Variants in FAM133B observed in about 807,000 individuals in gnomAD.
The protein encoded by FAM133B is family with sequence similarity 133 member B, also known as protein FAM133B.
In FAM133B, 25 loss-of-function variants were observed where a neutral mutation model predicts 46.4. The observed-to-expected ratio is 0.54, with a 90% CI of 0.39 to 0.75. FAM133B has a LOEUF of 0.75. FAM133B is among the 30% of genes least tolerant of loss of function. FAM133B has a pLI of 0.00. For missense variants in FAM133B, 205 were observed against 277.6 expected (o/e 0.74, Z 1.86); for synonymous variants, 75 against 86.0 (o/e 0.87, Z 0.71).
rs111940996 is a variant in FAM133B at position 92,590,195 on chromosome 7, G to A, written c.24+73C>T. 17 of 1,610,892 alleles carry A rather than the reference G, an allele frequency of 1.1e-5. No individual in the cohort carries two copies. The South Asian group carries it at 1.9e-4, about 18-fold the overall frequency. ...GCCGCTTGCCCTCCGGCCCGGCCGG[G>A]AACAGCGAGGGTTCTCGCTGTCCTG... On this transcript the variant is annotated intron_variant, in intron 1 of 10. Transcript: ENST00000445716.
At chr7:92,576,582 G>A (rs190180255) in intron 7 of FAM133B, among the ~76,000 whole-genome samples, 4 of 152,266 alleles carry the variant, frequency 2.6e-5, no homozygotes, top group Admixed American at 1.3e-4. Context: ...TGTTAAAGAC[G>A]TAGGTTTCCA....
At chr7:92,565,784 T>TAAAATACTGA in intron 10 of FAM133B, 1 of 551,360 alleles carries the variant, frequency 1.8e-6, no homozygotes, top group Non-Finnish European at 3.2e-6. Flanking sequence ...TTTCTAACAG[T>TAAAATACTGA]AAAATACTGA....
chr7:92,576,153 G>C lies in FAM133B; in HGVS notation c.466-332C>G, dbSNP rs530260094. On this transcript the variant is annotated intron_variant, in intron 7 of 10. Coordinates refer to ENST00000445716, the MANE Select transcript of FAM133B (RefSeq NM_152789.4). ...ATGTACTGGAGTTGTATTCTAATTT[G>C]AGGAGGCAACAATTTCTGCTTTTGA... Among the ~76,000 whole-genome samples the C allele has an allele frequency of 2.6e-4, 40 of 152,278 alleles. 1 individual carries two copies. The South Asian group carries it at 5.8e-3, about 22-fold the overall frequency.
At chr7:92,589,073 G>C (rs79107734) in intron 1 of FAM133B, among the ~76,000 whole-genome samples, 3 of 152,286 alleles carry the variant, frequency 2.0e-5, no homozygotes, top group Non-Finnish European at 4.4e-5. Flanking sequence ...GTCTCCTTTG[G>C]TGTGAGACAC....
intron 10 of FAM133B, 104 bp downstream of exon 10, chr7:92,565,910 A>G: frequency 8.2e-7 from 1 of 1,217,994 alleles, no homozygotes; most frequent in Non-Finnish European, 1.2e-6. Flanking sequence ...CCCAACAAAT[A>G]CTTATTTGGT....
rs1794175216 is a variant in FAM133B, at chr7:92,562,107, G to C, written c.*175C>G. The C allele has an allele frequency of 6.8e-6, 4 of 586,994 alleles. No homozygotes were observed. In the South Asian group the frequency reaches 1.0e-4, roughly 15 times the overall value. 36.4% of individuals were successfully genotyped at this position (586,994 alleles called of 1,614,324 possible). A position where few individuals can be genotyped will look rare whatever the true frequency, so the allele number is the denominator to read the frequency against. On this transcript the variant is annotated 3_prime_UTR_variant, in exon 11 of 11. Coordinates refer to ENST00000445716, the MANE Select transcript of FAM133B (RefSeq NM_152789.4). ...GAAAAAAATAGATGTTCAAGCAGCA[G>C]GCAACATTTATGGCCCTTTCACACA...
At position 92,577,722 on chromosome 7, in the gene FAM133B, A is replaced by C; in HGVS notation, c.310-5T>G. 1 of 1,570,016 alleles carries C rather than the reference A, an allele frequency of 6.4e-7. No individual in the cohort carries two copies. Among genetic ancestry groups the C allele is most frequent in the Non-Finnish European group, 8.6e-7 (1 of 1,156,880 alleles). ...TGATGAAGAAGAAGATGAATACTTG[A>C]CCAAGCACAAAACAATTAAAGCTTG... On this transcript the variant is annotated splice_region_variant and splice_polypyrimidine_tract_variant and intron_variant, in intron 5 of 10. Coordinates refer to ENST00000445716, the MANE Select transcript of FAM133B (RefSeq NM_152789.4).
intron 9 of FAM133B, among the ~76,000 whole-genome samples, chr7:92,567,807 A>G (rs996571311): frequency 2.0e-5 from 3 of 151,970 alleles, no homozygotes; most frequent in South Asian, 2.1e-4. Context: ...TCTGTTGCCC[A>G]GGATGGAGTG....
rs539514408 is a variant in FAM133B at position 92,576,433 on chromosome 7, T to G, written c.466-612A>C. On this transcript the variant is annotated intron_variant, in intron 7 of 10. Coordinates refer to ENST00000445716, the MANE Select transcript of FAM133B (RefSeq NM_152789.4). Reference sequence around the variant, plus strand: ...GAGTACTTTCTAGATGCTAGGTATTTTGCCAGAAGATCTCTCACGGGGGCA... The same window carrying G: ...GAGTACTTTCTAGATGCTAGGTATTGTGCCAGAAGATCTCTCACGGGGGCA... Among the ~76,000 whole-genome samples the G allele has an allele frequency of 4.6e-5, 7 of 152,292 alleles. No homozygotes were observed. The South Asian group carries it at 1.5e-3, about 32-fold the overall frequency.
At position 92,581,666 on chromosome 7, in the gene FAM133B, C is replaced by T. The variant is rs1053335282; in HGVS notation, c.25-63G>A. On this transcript the variant is annotated intron_variant, in intron 1 of 10. Transcript: ENST00000445716. ...CATTAAACATGCAAAACCTCACTTA[C>T]TCATCAAGTAATCTTTACTATAAAT... 6.3e-6 allele frequency: 8 copies of T among 1,271,450 alleles called. No individual in the cohort carries two copies. In the Admixed American group the frequency reaches 8.7e-5, roughly 14 times the overall value. The allele number at this position is 1,271,450 out of a possible 1,614,324, so 78.8% of individuals were successfully genotyped here.
chr7:92,586,493 TA>T (rs1368749136), intron 1 of FAM133B, among the ~76,000 whole-genome samples: 6 of 152,240 alleles, frequency 3.9e-5, no homozygotes, highest in Non-Finnish European at 7.3e-5. Flanking sequence ...AAGCATTCAC[TA>T]AAATATAGAG....
intron 9 of FAM133B, among the ~76,000 whole-genome samples, 189 bp from the exon 10 acceptor site, chr7:92,566,250 C>T (rs1406297216): frequency 6.6e-6 from 1 of 152,078 alleles, no homozygotes; most frequent in Non-Finnish European, 1.5e-5. Flanking sequence ...AAAGGAAGGA[C>T]AATTAAGACG....
intron 8 of FAM133B, among the ~76,000 whole-genome samples, chr7:92,572,261 T>A (rs1339952708): frequency 6.6e-6 from 1 of 152,228 alleles, no homozygotes; most frequent in Non-Finnish European, 1.5e-5. Context: ...AAATTTGCAA[T>A]AATGACATCT....
At chr7:92,574,459 G>A (rs1022792794) in intron 8 of FAM133B, among the ~76,000 whole-genome samples, 2 of 152,150 alleles carry the variant, frequency 1.3e-5, no homozygotes, top group African/African-American at 4.8e-5. Context: ...TTTATGGGCT[G>A]ATGAAAGTTT....
chr7:92,566,322 G>A (rs1452570900), intron 9 of FAM133B, among the ~76,000 whole-genome samples: 1 of 152,004 alleles, frequency 6.6e-6, no homozygotes, highest in Non-Finnish European at 1.5e-5. Context: ...GTGGTACAGT[G>A]GAAAAAAACA....
At chr7:92,581,794 TTGTGTGTGTGTG>T (rs10578440) in intron 1 of FAM133B, 191 bp from the exon 2 acceptor site, 20,237 of 316,182 alleles carry the variant, frequency 0.064, 1,057 homozygotes, top group East Asian at 0.27. Flanking sequence ...TGGGAGAAAA[TTGTGTGTGTGTG>T]TGTGTGTGTG....
Position 92,579,301 on chromosome 7 carries a change from G to T in FAM133B, c.201+16C>A. 6.2e-7 allele frequency: 1 copy of T among 1,602,338 alleles called. No homozygotes were observed. The highest frequency in any genetic ancestry group is 1.1e-5 in the South Asian group (1 of 88,978). On this transcript the variant is annotated intron_variant, in intron 3 of 10. Transcript: ENST00000445716. ...GCCAAATTAGTCTATTTTTTTAACA[G>T]GTACTTTTTACAAACCTCATTCATT... is the stretch of plus-strand genomic sequence containing the variant.
At chr7:92,576,038 T>C (rs10250762) in intron 7 of FAM133B, among the ~76,000 whole-genome samples, 1,946 of 152,348 alleles carry the variant, frequency 0.013, 47 homozygotes, top group African/African-American at 0.045. Flanking sequence ...AAATTTACTC[T>C]TAAAATGATA....
At position 92,566,917 on chromosome 7, in the gene FAM133B, A is replaced by T. The variant is rs142957518; in HGVS notation, c.610-856T>A. The stretch of plus-strand genomic sequence containing the variant: ...TTTTTGAGTGTGGTACACTGGATTT[A>T]AATTAAACTGAGGCCGGGGGCAGCG... On this transcript the variant is annotated intron_variant, in intron 9 of 10. Coordinates refer to ENST00000445716, the MANE Select transcript of FAM133B (RefSeq NM_152789.4). Among the ~76,000 whole-genome samples, 309 of 152,296 alleles carry T rather than the reference A, an allele frequency of 2.0e-3. 3 individuals are homozygous for T. Among genetic ancestry groups the T allele is most frequent in the African/African-American group, 7.3e-3 (302 of 41,574 alleles).
Sources: allele counts gnomAD v4.1 joint callset (sites outside exome capture counted in the v4.1 genomes callset), GRCh38; gene constraint gnomAD v4.1.1; transcripts MANE v1.5; gene names NCBI Gene and HGNC (gene_info 2026-07-23, HGNC 2026-07-21).